BRINP3: variants seen among roughly 807,000 people sequenced by gnomAD.
BRINP3 encodes the protein BMP/retinoic acid-inducible neural-specific protein 3.
In BRINP3, 19 loss-of-function variants were observed where a neutral mutation model predicts 71.0. That is an observed-to-expected ratio of 0.27 (90% CI 0.19 to 0.39). The LOEUF is 0.39. Ranked by LOEUF, BRINP3 falls within the 10% of genes least tolerant of loss-of-function variation. The pLI, the probability that BRINP3 is intolerant of heterozygous loss-of-function variation, is 1.00. For missense variants in BRINP3, 959 were observed against 940.8 expected (o/e 1.02, Z -0.25); for synonymous variants, 380 against 337.7 (o/e 1.13, Z -1.37).
intron 2 of BRINP3, among the ~76,000 whole-genome samples, chr1:190,398,146 A>G (rs1268063984): frequency 1.3e-5 from 2 of 152,010 alleles, no homozygotes; most frequent in African/African-American, 4.8e-5. Flanking sequence ...ATGATTTTAG[A>G]GGGTAGCTAA....
intron 2 of BRINP3, among the ~76,000 whole-genome samples, chr1:190,425,993 T>C (rs982216343): frequency 7.9e-5 from 12 of 151,756 alleles, no homozygotes; most frequent in African/African-American, 2.7e-4. Flanking sequence ...GCATATACAA[T>C]GTCAGTATTG....
At chr1:190,267,795 T>G (rs1443335817) in intron 3 of BRINP3, among the ~76,000 whole-genome samples, 2 of 151,992 alleles carry the variant, frequency 1.3e-5, no homozygotes, top group Non-Finnish European at 2.9e-5. Flanking sequence ...ATATTGCAAA[T>G]AAGATTAGGT....
chr1:190,360,613 TAAC>T (rs1669078930), intron 2 of BRINP3, among the ~76,000 whole-genome samples: 1 of 152,186 alleles, frequency 6.6e-6, no homozygotes, highest in Non-Finnish European at 1.5e-5. Flanking sequence ...TTTGCCCATG[TAAC>T]AAGAATGTAA....
At chr1:190,475,065 A>C (rs1677413194) in intron 1 of BRINP3, among the ~76,000 whole-genome samples, 1 of 152,106 alleles carries the variant, frequency 6.6e-6, no homozygotes. Flanking sequence ...TCAAGTTGAA[A>C]TCTAACTCTC....
chr1:190,159,700 G>T (rs549234622), intron 7 of BRINP3, among the ~76,000 whole-genome samples: 21 of 151,954 alleles, frequency 1.4e-4, no homozygotes, highest in Non-Finnish European at 2.1e-4. Flanking sequence ...GAAGGTTTAT[G>T]AGGAGTGACT....
chr1:190,463,048 C>T (rs1676499461), intron 1 of BRINP3, among the ~76,000 whole-genome samples: 1 of 151,834 alleles, frequency 6.6e-6, no homozygotes. Flanking sequence ...AAACATTTTT[C>T]ATATTACATA....
At chr1:190,426,799 T>C (rs563661954) in intron 2 of BRINP3, among the ~76,000 whole-genome samples, 3 of 152,056 alleles carry the variant, frequency 2.0e-5, no homozygotes, top group African/African-American at 7.2e-5. Flanking sequence ...AGTTGTGTTA[T>C]GAGTATTATA....
chr1:190,462,181 G>A (rs1676442217), intron 1 of BRINP3, among the ~76,000 whole-genome samples: 1 of 151,914 alleles, frequency 6.6e-6, no homozygotes, highest in Admixed American at 6.6e-5. Flanking sequence ...CAAAGTGCTG[G>A]GATTACAGGC....
chr1:190,431,751 GC>G (rs1221446613), intron 2 of BRINP3, among the ~76,000 whole-genome samples: 1 of 152,062 alleles, frequency 6.6e-6, no homozygotes, highest in African/African-American at 2.4e-5. Flanking sequence ...ACACACACAT[GC>G]TCAGAAACCG....
At chr1:190,193,157 G>A (rs1188782119) in intron 6 of BRINP3, among the ~76,000 whole-genome samples, 7 of 151,994 alleles carry the variant, frequency 4.6e-5, no homozygotes, top group Non-Finnish European at 8.8e-5. Flanking sequence ...TGGTTTATGA[G>A]TGGCACTGAA....
intron 2 of BRINP3, among the ~76,000 whole-genome samples, chr1:190,289,377 T>C (rs1663681102): frequency 6.6e-6 from 1 of 151,994 alleles, no homozygotes; most frequent in Non-Finnish European, 1.5e-5. Context: ...GGTCATAGGC[T>C]TTAATATACA....
At chr1:190,406,136 C>T (rs1487765157) in intron 2 of BRINP3, among the ~76,000 whole-genome samples, 2 of 152,142 alleles carry the variant, frequency 1.3e-5, no homozygotes, top group Non-Finnish European at 2.9e-5. Flanking sequence ...AGTAAAATTG[C>T]TCATGTTACA....
Position 190,265,073 on chromosome 1 carries a change from C to A in BRINP3, c.428-18G>T. On this transcript the variant is annotated intron_variant, in intron 3 of 7. Transcript: ENST00000367462. ...CTCCTCTCCTGCATTAATAATATTT[C>A]AAATTATTCAATTTTCCACTTAAAA... 6.4e-7 allele frequency: 1 copy of A among 1,568,648 alleles called. No homozygotes were observed. Among genetic ancestry groups the A allele is most frequent in the Non-Finnish European group, 8.6e-7 (1 of 1,161,754 alleles).
intron 2 of BRINP3, among the ~76,000 whole-genome samples, chr1:190,313,719 C>T (rs1467985006): frequency 6.6e-6 from 1 of 151,884 alleles, no homozygotes; most frequent in Non-Finnish European, 1.5e-5. Context: ...TTGGATTCTT[C>T]TTATATTTCA....
chr1:190,147,301 A>G lies in BRINP3; in HGVS notation c.1184+13367T>C, dbSNP rs1655973009. Among the ~76,000 whole-genome samples the G allele has an allele frequency of 3.3e-5, 5 of 152,276 alleles. No individual in the cohort carries two copies. The South Asian group carries it at 1.0e-3, about 32-fold the overall frequency. Reference sequence around the variant, plus strand: ...TGGCAAACTTACTAAACAAGGATAAACAATAAGTAATAGAAGACGATCTTT... The same window carrying G: ...TGGCAAACTTACTAAACAAGGATAAGCAATAAGTAATAGAAGACGATCTTT... On this transcript the variant is annotated intron_variant, in intron 7 of 7. Coordinates refer to ENST00000367462, the MANE Select transcript of BRINP3 (RefSeq NM_199051.3).
intron 1 of BRINP3, among the ~76,000 whole-genome samples, chr1:190,462,643 T>A (rs1452277101): frequency 6.6e-6 from 1 of 152,140 alleles, no homozygotes; most frequent in Non-Finnish European, 1.5e-5. Flanking sequence ...ACCTTTTTAA[T>A]CTTTTTGATA....
intron 2 of BRINP3, 49 bp from the exon 3 acceptor site, chr1:190,281,799 G>T: frequency 6.5e-7 from 1 of 1,538,188 alleles, no homozygotes; most frequent in Non-Finnish European, 8.8e-7. Context: ...CTATCTGAAT[G>T]TTTTCATTTG....
chr1:190,408,305 A>G (rs1212176793), intron 2 of BRINP3, among the ~76,000 whole-genome samples: 2 of 151,950 alleles, frequency 1.3e-5, no homozygotes, highest in Non-Finnish European at 2.9e-5. Context: ...CGGCCTCTCA[A>G]AGTGCTGGGA....
chr1:190,255,150 T>C (rs935212411), intron 4 of BRINP3, among the ~76,000 whole-genome samples: 7 of 152,156 alleles, frequency 4.6e-5, no homozygotes, highest in Admixed American at 3.3e-4. Flanking sequence ...ATAAGCTTTT[T>C]GATGTGCTGC....
Sources: allele counts gnomAD v4.1 joint callset (sites outside exome capture counted in the v4.1 genomes callset), GRCh38; gene constraint gnomAD v4.1.1; transcripts MANE v1.5; gene names NCBI Gene and HGNC (gene_info 2026-07-23, HGNC 2026-07-21).